PAK1IP1: variants seen among roughly 807,000 people sequenced by gnomAD.
The protein encoded by PAK1IP1 is PAK1 interacting protein 1.
Under a neutral mutation model 42.0 loss-of-function variants are expected in PAK1IP1, and 24 were observed. The ratio of observed to expected loss-of-function variants is 0.57; its 90% confidence interval spans 0.41 to 0.80. The LOEUF (loss-of-function observed/expected upper bound fraction) is 0.80. Ranked by LOEUF, PAK1IP1 falls within the 30% of genes least tolerant of loss-of-function variation. The pLI, the probability that PAK1IP1 is intolerant of heterozygous loss-of-function variation, is 0.00. For missense variants in PAK1IP1, 411 were observed against 467.9 expected (o/e 0.88, Z 1.12); for synonymous variants, 154 against 156.7 (o/e 0.98, Z 0.13).
rs1769891906 is a variant in PAK1IP1 at position 10,697,447 on chromosome 6, A to T, written c.208A>T (p.Lys70Ter). ...TGAAACAATTCACATTTATGACATG[A>T]AAAAGAAGATTGAGCATGGGGCTCT... ...KDETIHIYDM[K>*]KKIEHGALVH... Residue 70 changes from lysine to a stop codon, truncating the protein, a stop_gained, in exon 2 of 10, where the codon AAA becomes TAA. Coordinates refer to ENST00000379568, the MANE Select transcript of PAK1IP1 (RefSeq NM_017906.3). LOFTEE classifies it high-confidence loss of function. The T allele has an allele frequency of 6.2e-7, 1 of 1,614,058 alleles. No homozygotes were observed.
upstream of PAK1IP1, chr6:10,694,575 A>C (rs9467252): frequency 1.1e-5 from 2 of 186,096 alleles, no homozygotes; most frequent in East Asian, 1.5e-4. Flanking sequence ...ACAACAATGC[A>C]CGCTGCCGGC....
intron 7 of PAK1IP1, 89 bp downstream of exon 7, chr6:10,704,933 TAAC>T (rs1770154409): frequency 6.2e-6 from 5 of 803,706 alleles, no homozygotes; most frequent in South Asian, 5.5e-5. Flanking sequence ...ATGTTTTTAT[TAAC>T]AACTGCAGAA....
chr6:10,695,125 G>C, intron 1 of PAK1IP1, 56 bp downstream of exon 1: 1 of 1,131,594 alleles, frequency 8.8e-7, no homozygotes, highest in Non-Finnish European at 1.3e-6. Flanking sequence ...GGTCGGGTTT[G>C]GTTCCTACAC....
At chr6:10,704,174 C>T (rs1167675067) in intron 5 of PAK1IP1, among the ~76,000 whole-genome samples, 2 of 152,100 alleles carry the variant, frequency 1.3e-5, no homozygotes, top group African/African-American at 4.8e-5. Context: ...GCGCGTGCCA[C>T]CATGCTTGGC....
Position 10,707,443 on chromosome 6 carries a change from C to G in PAK1IP1, c.769C>G (p.Pro257Ala), listed in dbSNP as rs780155614. Residue 257 changes from proline (P) to alanine (A), a missense_variant, in exon 8 of 10, where the codon CCA becomes GCA. Transcript: ENST00000379568. Reference sequence around the variant, plus strand: ...AAAGGACATGTTCAGTTTTGAAATTCCAGAGCATCATGTTATTGTTTCAGC... The same window carrying G: ...AAAGGACATGTTCAGTTTTGAAATTGCAGAGCATCATGTTATTGTTTCAGC... ...RVKDMFSFEI[P>A]EHHVIVSASS... 1 of 1,607,404 alleles carries G rather than the reference C, an allele frequency of 6.2e-7. No individual in the cohort carries two copies. The highest frequency in any genetic ancestry group is 2.2e-5 in the East Asian group (1 of 44,840).
intron 2 of PAK1IP1, among the ~76,000 whole-genome samples, chr6:10,700,372 T>A (rs1769990673): frequency 1.3e-5 from 2 of 152,200 alleles, no homozygotes; most frequent in African/African-American, 4.8e-5. Flanking sequence ...AAAACAACTT[T>A]TATAATGTCG....
chr6:10,703,195 A>G (rs1770091937), intron 4 of PAK1IP1, among the ~76,000 whole-genome samples: 1 of 152,214 alleles, frequency 6.6e-6, no homozygotes, highest in Admixed American at 6.5e-5. Flanking sequence ...TGAAAATACA[A>G]TGGATACGAG....
upstream of PAK1IP1, among the ~76,000 whole-genome samples, chr6:10,690,921 TTTGTC>T (rs1347340036): frequency 2.7e-5 from 4 of 150,496 alleles, no homozygotes; most frequent in African/African-American, 1.0e-4. Flanking sequence ...ATAATTCTCT[TTTGTC>T]TTTCTTCAGA....
At position 10,704,540 on chromosome 6, in the gene PAK1IP1, A is replaced by G. The variant is rs1770140189; in HGVS notation, c.530A>G (p.Glu177Gly). ...ATAGTAGAATGGTCCCCAAGAGGAG[A>G]GCAGTATGTAGTTATCATACAGAAT... ...AHIVEWSPRG[E>G]QYVVIIQNKI... Residue 177 changes from glutamate (E) to glycine (G), a missense_variant, in exon 6 of 10, where the codon GAG becomes GGG. By Grantham distance (98) the Glu-to-Gly change is moderately conservative. Transcript: ENST00000379568. 1 of 1,596,616 alleles carries G rather than the reference A, an allele frequency of 6.3e-7. No individual in the cohort carries two copies. Among genetic ancestry groups the G allele is most frequent in the Non-Finnish European group, 8.6e-7 (1 of 1,166,284 alleles).
At chr6:10,694,614 G>GTGTAGATC, upstream of PAK1IP1, 11 of 199,254 alleles carry the variant, frequency 5.5e-5, no homozygotes, top group South Asian at 1.5e-4. Context: ...CCGGCCGGAA[G>GTGTAGATC]TCGGCCCCAC....
At chr6:10,704,872 G>C (rs774920523) in intron 7 of PAK1IP1, 28 bp downstream of exon 7, 2 of 1,345,692 alleles carry the variant, frequency 1.5e-6, no homozygotes, top group Admixed American at 3.4e-5. Flanking sequence ...TGGTGTATAT[G>C]TCTAGTCTTA....
intron 7 of PAK1IP1, among the ~76,000 whole-genome samples, chr6:10,705,323 A>AC (rs1770169341): frequency 1.3e-5 from 2 of 152,052 alleles, no homozygotes; most frequent in African/African-American, 4.8e-5. Context: ...TCTCAAAAAA[A>AC]ATAATAATAA....
chr6:10,700,049 A>C (rs1769978196), intron 2 of PAK1IP1, among the ~76,000 whole-genome samples: 1 of 151,732 alleles, frequency 6.6e-6, no homozygotes, highest in Non-Finnish European at 1.5e-5. Flanking sequence ...AAACAAACGA[A>C]AAAAACAACT....
intron 1 of PAK1IP1, among the ~76,000 whole-genome samples, chr6:10,695,682 A>C (rs955969044): frequency 1.3e-5 from 2 of 152,230 alleles, no homozygotes; most frequent in African/African-American, 4.8e-5. Context: ...ATAAATTATC[A>C]GTAGTCAAAT....
At chr6:10,694,612 AAGTCGGCCCCACC>A, upstream of PAK1IP1, 1 of 183,288 alleles carries the variant, frequency 5.5e-6, no homozygotes, top group Non-Finnish European at 1.2e-5. Flanking sequence ...AACCGGCCGG[AAGTCGGCCCCACC>A]TCCTCCTGAT....
In PAK1IP1 at chr6:10,702,467, C is replaced by A; in HGVS notation, c.346C>A (p.Leu116Met). 7 of 1,613,994 alleles carry A rather than the reference C, an allele frequency of 4.3e-6. No homozygotes were observed. Among genetic ancestry groups the A allele is most frequent in the Non-Finnish European group, 5.9e-6 (7 of 1,180,000 alleles). The change falls in exon 3 of 10, where the codon CTG becomes ATG. Residue 116 changes from leucine to methionine, a missense_variant. By Grantham distance (15) the Leu-to-Met change is conservative. Coordinates refer to ENST00000379568, the MANE Select transcript of PAK1IP1 (RefSeq NM_017906.3). ...CTGGGATGCAAAGAAATGGGAATGC[C>A]TGAAGTCAATTAAAGCTCACAAGTG... ...CIWDAKKWEC[L>M]KSIKAHKGQV...
intron 8 of PAK1IP1, among the ~76,000 whole-genome samples, chr6:10,707,723 ACTCGCGCTG>A (rs1387448038): frequency 6.6e-6 from 1 of 152,066 alleles, no homozygotes; most frequent in African/African-American, 2.4e-5. Context: ...GGATCCCAGA[ACTCGCGCTG>A]CTCTTTTTAG....
chr6:10,694,941 C>T (rs1242743481), upstream of PAK1IP1: 3 of 1,295,366 alleles, frequency 2.3e-6, no homozygotes, highest in Non-Finnish European at 3.3e-6. Flanking sequence ...GTTCTGTCAC[C>T]TCCAGGCTGA....
chr6:10,702,722 A>T, intron 4 of PAK1IP1, 83 bp downstream of exon 4: 1 of 994,176 alleles, frequency 1.0e-6, no homozygotes, highest in South Asian at 1.3e-5. Context: ...CTGTTATACA[A>T]GGGAAAGGTC....
Sources: gnomAD v4.1 joint callset for allele counts (sites outside exome capture counted in the v4.1 genomes callset) on GRCh38, gnomAD v4.1.1 for gene constraint, MANE v1.5 for transcripts, NCBI Gene and HGNC (gene_info 2026-07-23, HGNC 2026-07-21) for gene names.